Variants in LMO7 observed in about 807,000 individuals in gnomAD.
LMO7 encodes the protein LIM domain 7.
In LMO7, 120 loss-of-function variants were observed where a neutral mutation model predicts 206.5. That is an observed-to-expected ratio of 0.58 (90% confidence interval 0.50 to 0.68). The LOEUF (loss-of-function observed/expected upper bound fraction) is 0.68, where lower values mean the gene tolerates loss of function less well. Ranked by LOEUF, LMO7 falls within the 30% of genes least tolerant of loss-of-function variation. LMO7 has a pLI of 0.00. For missense variants in LMO7, 1,959 were observed against 1,957.9 expected, an observed-to-expected ratio of 1.00 and a Z score of -0.01; for synonymous variants, 706 against 681.5, an observed-to-expected ratio of 1.04 and a Z score of -0.56.
chr13:75,681,706 G>GTGTATATATATGTATA (rs1259746833), intron 1 of LMO7, among the ~76,000 whole-genome samples: 1 of 93,328 alleles, frequency 1.1e-5, no homozygotes, highest in Non-Finnish European at 2.2e-5. Context: ...GTATGTATGT[G>GTGTATATATATGTATA]TATATATATA....
rs150295845 is a variant in LMO7, at chr13:75,754,522, C to T, written c.211-6410C>T. Among the ~76,000 whole-genome samples the T allele has an allele frequency of 5.2e-3, 786 of 151,958 alleles. 6 individuals are homozygous for T. Among genetic ancestry groups the T allele is most frequent in the African/African-American group, 0.018 (741 of 41,472 alleles). On this transcript the variant is annotated intron_variant, in intron 3 of 30. Transcript: ENST00000377534. ...TTTGGGATATATATAGGATATATAC[C>T]TGGGGGAAGGCATCTTTTTAATAGA...
chr13:75,712,616 C>G (rs889401884), intron 1 of LMO7, among the ~76,000 whole-genome samples: 1 of 152,188 alleles, frequency 6.6e-6, no homozygotes, highest in African/African-American at 2.4e-5. Flanking sequence ...TTTTGTCTCT[C>G]TGCGCCAGGA....
chr13:75,643,738 ACATT>A (rs2036771236), intron 1 of LMO7, among the ~76,000 whole-genome samples: 1 of 152,266 alleles, frequency 6.6e-6, no homozygotes, highest in African/African-American at 2.4e-5. Flanking sequence ...GAGGTTTAAC[ACATT>A]CAATCTGTGG....
At chr13:75,846,695 T>C (rs544006363) in intron 26 of LMO7, among the ~76,000 whole-genome samples, 59 of 152,238 alleles carry the variant, frequency 3.9e-4, no homozygotes, top group Non-Finnish European at 6.6e-4. Flanking sequence ...ATATATGTTT[T>C]CCCCCCTTTA....
Position 75,681,724 on chromosome 13 carries a change from A to ATATATATATATATATATATATATATATG in LMO7, c.70-31433_70-31432insATGTATATATATATATATATATATATAT, listed in dbSNP as rs1566304832. Among the ~76,000 whole-genome samples the ATATATATATATATATATATATATATATG allele has an allele frequency of 2.5e-4, 25 of 100,860 alleles. 1 individual carries two copies. Among genetic ancestry groups the ATATATATATATATATATATATATATATG allele is most frequent in the African/African-American group, 8.2e-4 (24 of 29,216 alleles). 66.2% of individuals were successfully genotyped at this position (100,860 alleles called of 152,430 possible). On this transcript the variant is annotated intron_variant, in intron 1 of 30. Coordinates refer to ENST00000377534, the MANE Select transcript of LMO7 (RefSeq NM_001306080.2). ...TGTATGTGTATATATATATGTATAT[A>ATATATATATATATATATATATATATATG]TATATATATATATATATATATATAT...
intron 4 of LMO7, among the ~76,000 whole-genome samples, chr13:75,793,368 C>T (rs563261729): frequency 1.7e-4 from 26 of 152,272 alleles, no homozygotes; most frequent in Middle Eastern, 3.4e-3. Context: ...CTCCGCCTCC[C>T]GGGTTCAAGC....
At chr13:75,834,797 A>G (rs1290669669) in intron 17 of LMO7, among the ~76,000 whole-genome samples, 1 of 152,166 alleles carries the variant, frequency 6.6e-6, no homozygotes, top group Non-Finnish European at 1.5e-5. Context: ...TTCTCAAAGA[A>G]CTTTCAATGT....
At chr13:75,814,029 C>G (rs1304802682) in intron 11 of LMO7, among the ~76,000 whole-genome samples, 1 of 152,092 alleles carries the variant, frequency 6.6e-6, no homozygotes, top group Non-Finnish European at 1.5e-5. Flanking sequence ...AATCTATATT[C>G]TCAAATTCAC....
chr13:75,833,821 T>C (rs552953625), intron 16 of LMO7, among the ~76,000 whole-genome samples: 2 of 152,178 alleles, frequency 1.3e-5, no homozygotes, highest in Non-Finnish European at 2.9e-5. Flanking sequence ...ATTTTAGTTA[T>C]GGAGTAATTT....
intron 3 of LMO7, among the ~76,000 whole-genome samples, chr13:75,731,539 GGTT>G (rs1282070197): frequency 1.3e-5 from 2 of 151,972 alleles, no homozygotes; most frequent in Admixed American, 6.6e-5. Flanking sequence ...ATGTGAGATG[GGTT>G]TCCTGAATAC....
chr13:75,684,232 C>G (rs1462629007), intron 1 of LMO7, among the ~76,000 whole-genome samples: 1 of 152,052 alleles, frequency 6.6e-6, no homozygotes, highest in Admixed American at 6.6e-5. Context: ...AACTTTGTCA[C>G]CTTGAAATTT....
At chr13:75,696,128 G>A (rs1012749657) in intron 1 of LMO7, among the ~76,000 whole-genome samples, 4 of 152,302 alleles carry the variant, frequency 2.6e-5, no homozygotes, top group African/African-American at 9.6e-5. Context: ...AGGTCAAGGC[G>A]GGTGGATCAC....
Position 75,727,021 on chromosome 13 carries a change from A to G in LMO7, c.141-8A>G, listed in dbSNP as rs1366878480. Reference sequence around the variant, plus strand: ...TTGTAATTGCATCTGTTATTTATTTACTTTCAGTTTGATTAATAAGCTTAA... The same window carrying G: ...TTGTAATTGCATCTGTTATTTATTTGCTTTCAGTTTGATTAATAAGCTTAA... On this transcript the variant is annotated splice_polypyrimidine_tract_variant and splice_region_variant and intron_variant, in intron 2 of 30. Transcript: ENST00000377534. The G allele has an allele frequency of 3.3e-6, 5 of 1,499,556 alleles. No homozygotes were observed. The African/African-American group carries it at 4.1e-5, about 12-fold the overall frequency. The allele number at this position is 1,499,556 out of a possible 1,614,324, so 92.9% of individuals were successfully genotyped here. A position where few individuals can be genotyped will look rare whatever the true frequency, so the allele number is the denominator to read the frequency against.
At chr13:75,623,336 A>T in intron 2 of LMO7, 1 of 1,326,760 alleles carries the variant, frequency 7.5e-7, no homozygotes, top group Non-Finnish European at 1.1e-6. Context: ...ATTTTTCTGT[A>T]TTTTCTAAGG....
At chr13:75,719,930 T>C (rs2138350026) in intron 2 of LMO7, among the ~76,000 whole-genome samples, 1 of 152,354 alleles carries the variant, frequency 6.6e-6, no homozygotes, top group South Asian at 2.1e-4. Context: ...TCTTTCAAAA[T>C]GTCTGTACCA....
At chr13:75,842,799 G>A (rs41287012) in intron 24 of LMO7, 52 bp from the exon 25 acceptor site, 14,966 of 1,105,428 alleles carry the variant, frequency 0.014, 120 homozygotes, top group Non-Finnish European at 0.016. Context: ...TAAACTCAGG[G>A]AAGGGCTTAA....
chr13:75,781,796 C>T lies in LMO7; in HGVS notation c.318-13605C>T, dbSNP rs147085821. Among the ~76,000 whole-genome samples the T allele has an allele frequency of 1.2e-4, 19 of 152,018 alleles. 1 individual carries two copies. Among genetic ancestry groups the T allele is most frequent in the Non-Finnish European group, 2.9e-5 (2 of 68,038 alleles). On this transcript the variant is annotated intron_variant, in intron 4 of 30. Transcript: ENST00000377534. ...ACATCCTCTCCAGCACCTGTAGTTTCCTGACTTTTTATGATTGCCATTCTA... is the reference window on the plus strand; with the variant it reads ...ACATCCTCTCCAGCACCTGTAGTTTTCTGACTTTTTATGATTGCCATTCTA...
At chr13:75,621,542 C>T in exon 1 of LMO7, 1 of 408,498 alleles carries the variant, frequency 2.4e-6, no homozygotes, top group Non-Finnish European at 4.3e-6. Flanking sequence ...ATTATTTCAA[C>T]ATCTAAAGTT....
intron 2 of LMO7, among the ~76,000 whole-genome samples, chr13:75,713,820 A>T (rs1288152663): frequency 6.6e-6 from 1 of 152,216 alleles, no homozygotes; most frequent in Non-Finnish European, 1.5e-5. Flanking sequence ...GATTGATAGT[A>T]TAAGGCCTAC....
Sources: allele counts gnomAD v4.1 joint callset (sites outside exome capture counted in the v4.1 genomes callset), GRCh38; gene constraint gnomAD v4.1.1; transcripts MANE v1.5; gene names NCBI Gene and HGNC (gene_info 2026-07-23, HGNC 2026-07-21).